Variants in TEX14 observed in about 807,000 individuals in gnomAD.
TEX14 encodes the protein testis expressed 14, intercellular bridge forming factor, also known as inactive serine/threonine-protein kinase TEX14.
TEX14 carries 168 observed loss-of-function variants against 178.6 expected under a neutral mutation model. The observed-to-expected ratio is 0.94, with a 90% CI of 0.83 to 1.07. The LOEUF (loss-of-function observed/expected upper bound fraction) is 1.07, where lower values mean the gene tolerates loss of function less well. Among genes scored for constraint, TEX14 ranks in the 50% least tolerant of loss-of-function variants. The probability of loss-of-function intolerance (pLI) is 0.00; values close to 1 mark genes in which losing one functional copy is unlikely to be tolerated. For missense variants in TEX14, 1,730 were observed against 1,753.6 expected (o/e 0.99, Z 0.24); for synonymous variants, 626 against 634.1 (o/e 0.99, Z 0.19).
At chr17:58,659,578 C>T (rs2047064404) in intron 1 of TEX14, among the ~76,000 whole-genome samples, 1 of 152,196 alleles carries the variant, frequency 6.6e-6, no homozygotes, top group Non-Finnish European at 1.5e-5. Context: ...AACTCCCTTA[C>T]GGATCGGTTC....
chr17:58,653,608 T>C (rs1803435688), intron 1 of TEX14, among the ~76,000 whole-genome samples: 1 of 152,152 alleles, frequency 6.6e-6, no homozygotes, highest in Non-Finnish European at 1.5e-5. Context: ...TATAAAAGGA[T>C]GTGTTTGGGA....
In TEX14 at chr17:58,579,647, T is replaced by G. The variant is rs1832566580; in HGVS notation, c.3238+18A>C. On this transcript the variant is annotated intron_variant, in intron 20 of 31. Transcript: ENST00000349033. The stretch of plus-strand genomic sequence containing the variant: ...AAGGGAAGTGATTCTCAAGGAATCT[T>G]CCCTAAGGGCTTATTACCAGAGACT... 4 of 1,606,588 alleles carry G rather than the reference T, an allele frequency of 2.5e-6. No individual in the cohort carries two copies. Among genetic ancestry groups the G allele is most frequent in the Non-Finnish European group, 3.4e-6 (4 of 1,173,336 alleles).
rs757152755 is a variant in TEX14, at chr17:58,556,768, A to T, written c.*243T>A. ...CAAAACCAAAGCCATTCTAGGCACAACCAAAAATTTTTACTATCAAAACTA... is the reference window on the plus strand; with the variant it reads ...CAAAACCAAAGCCATTCTAGGCACATCCAAAAATTTTTACTATCAAAACTA... On this transcript the variant is annotated 3_prime_UTR_variant, in exon 32 of 32. Coordinates refer to ENST00000349033, the MANE Select transcript of TEX14 (RefSeq NM_031272.5). 1 of 464,242 alleles carries T rather than the reference A, an allele frequency of 2.2e-6. No individual in the cohort carries two copies. The highest frequency in any genetic ancestry group is 3.8e-6 in the Non-Finnish European group (1 of 262,152). The allele number at this position is 464,242 out of a possible 1,614,324, so 28.8% of individuals were successfully genotyped here.
chr17:58,669,732 TCA>T (rs1491156991), intron 1 of TEX14, among the ~76,000 whole-genome samples: 1 of 35,892 alleles, frequency 2.8e-5, no homozygotes, highest in African/African-American at 1.2e-4. Flanking sequence ...AGACTCCGTC[TCA>T]AAAAAAAAAA....
intron 8 of TEX14, among the ~76,000 whole-genome samples, chr17:58,614,072 A>G (rs1401765718): frequency 6.6e-6 from 1 of 152,242 alleles, no homozygotes; most frequent in Admixed American, 6.5e-5. Flanking sequence ...AGAGCCATCA[A>G]TGACAACAAT....
intron 23 of TEX14, 96 bp downstream of exon 23, chr17:58,573,085 C>T (rs2044579140): frequency 2.0e-6 from 3 of 1,514,980 alleles, no homozygotes; most frequent in Admixed American, 4.0e-5. Flanking sequence ...TATGACAACA[C>T]AGCCACCAGC....
chr17:58,666,095 G>A (rs190072038), intron 1 of TEX14, among the ~76,000 whole-genome samples: 1 of 151,040 alleles, frequency 6.6e-6, no homozygotes, highest in East Asian at 2.0e-4. Context: ...TGTAATTCCA[G>A]CATTTTAGGA....
At chr17:58,575,195 A>G (rs2044647845) in intron 21 of TEX14, among the ~76,000 whole-genome samples, 1 of 150,852 alleles carries the variant, frequency 6.6e-6, no homozygotes, top group Non-Finnish European at 1.5e-5. Flanking sequence ...GCTCACTGCA[A>G]CCTTCGCCTC....
chr17:58,664,285 A>G (rs2047169402), intron 1 of TEX14, among the ~76,000 whole-genome samples: 1 of 152,196 alleles, frequency 6.6e-6, no homozygotes, highest in African/African-American at 2.4e-5. Context: ...CACAGCTCTG[A>G]GGCCTCTATG....
chr17:58,647,602 C>A (rs1261458336), intron 2 of TEX14, among the ~76,000 whole-genome samples: 2 of 142,620 alleles, frequency 1.4e-5, no homozygotes, highest in African/African-American at 5.3e-5. Flanking sequence ...CAAGAGTGTG[C>A]TTGAGGTCAG....
chr17:58,673,937 A>G (rs1225580058), intron 1 of TEX14, among the ~76,000 whole-genome samples: 1 of 152,122 alleles, frequency 6.6e-6, no homozygotes, highest in East Asian at 1.9e-4. Context: ...ATTTTCTACA[A>G]ACATCTTCAA....
At chr17:58,659,423 CA>C in intron 1 of TEX14, 1 of 595,098 alleles carries the variant, frequency 1.7e-6, no homozygotes, top group South Asian at 7.4e-5. Flanking sequence ...CTTCGTATGA[CA>C]CATCTCAGAC....
rs2045778923 is a variant in TEX14 at position 58,612,803 on chromosome 17, G to A, written c.1005+618C>T. Among the ~76,000 whole-genome samples the A allele has an allele frequency of 2.6e-5, 4 of 151,982 alleles. No homozygotes were observed. In the South Asian group the frequency reaches 8.3e-4, roughly 32 times the overall value. On this transcript the variant is annotated intron_variant, in intron 9 of 31. Transcript: ENST00000349033. ...TGCACCTGTAGTCTCAGCTACATTG[G>A]AGGCTGATGCAGGATCATTTGAGCC...
At chr17:58,666,248 T>C (rs1337278977) in intron 1 of TEX14, among the ~76,000 whole-genome samples, 2 of 151,624 alleles carry the variant, frequency 1.3e-5, no homozygotes, top group African/African-American at 4.8e-5. Flanking sequence ...CTAGGGAAGC[T>C]GAGACACGAG....
At chr17:58,691,318 G>A (rs956280468) in intron 1 of TEX14, among the ~76,000 whole-genome samples, 12 of 151,918 alleles carry the variant, frequency 7.9e-5, no homozygotes, top group African/African-American at 2.9e-4. Flanking sequence ...AGAGGGCTCT[G>A]ATTTGCAATA....
chr17:58,583,340 A>C (rs763169139), intron 19 of TEX14, among the ~76,000 whole-genome samples: 1 of 151,740 alleles, frequency 6.6e-6, no homozygotes, highest in Non-Finnish European at 1.5e-5. Context: ...CATGTTGCCA[A>C]GGCTGGTCTC....
intron 29 of TEX14, among the ~76,000 whole-genome samples, chr17:58,560,831 G>A (rs969419163): frequency 1.3e-5 from 2 of 152,160 alleles, no homozygotes; most frequent in Non-Finnish European, 2.9e-5. Context: ...GCACATTACC[G>A]TCATCTGGAC....
rs1223236576 is a variant in TEX14 at position 58,572,094 on chromosome 17, C to G, written c.3544G>C (p.Asp1182His). Residue 1182 changes from aspartate to histidine, a missense_variant, in exon 24 of 32, where the codon GAC becomes CAC. By Grantham distance (81) the Asp-to-His change is moderately conservative. Coordinates refer to ENST00000349033, the MANE Select transcript of TEX14 (RefSeq NM_031272.5). Reference sequence around the variant, plus strand: ...TGAAATGTGATACTTTCAAGGCAGTCTTTATACTGACTGGCAGCTGAAGAA... The same window carrying G: ...TGAAATGTGATACTTTCAAGGCAGTGTTTATACTGACTGGCAGCTGAAGAA... Reference protein sequence around the residue: ...SVSSAASQYKDCLESITFQVK... With the variant: ...SVSSAASQYKHCLESITFQVK... The G allele has an allele frequency of 6.2e-7, 1 of 1,611,044 alleles. No homozygotes were observed. The highest frequency in any genetic ancestry group is 8.5e-7 in the Non-Finnish European group (1 of 1,177,366).
Position 58,605,006 on chromosome 17 carries a change from A to G in TEX14, c.1308T>C (p.Phe436=). 1 of 1,614,188 alleles carries G rather than the reference A, an allele frequency of 6.2e-7. No individual in the cohort carries two copies. Among genetic ancestry groups the G allele is most frequent in the Non-Finnish European group, 8.5e-7 (1 of 1,180,018 alleles). ...TTAAAATCTCCTGCATGATCATAGA[A>G]AAGCTGTAGATGTCTGATTTCACTG... ...AATVKSDIYS[F]SMIMQEILTD... The change falls in exon 11 of 32, where the codon TTT becomes TTC. Residue 436 remains phenylalanine (F), a synonymous_variant. Transcript: ENST00000349033.
Sources: gnomAD v4.1 joint callset for allele counts (sites outside exome capture counted in the v4.1 genomes callset) on GRCh38, gnomAD v4.1.1 for gene constraint, MANE v1.5 for transcripts, NCBI Gene and HGNC (gene_info 2026-07-23, HGNC 2026-07-21) for gene names.